The following SLC6A15 variants were observed in gnomAD, a reference collection of about 807,000 sequenced individuals.
SLC6A15 encodes solute carrier family 6 member 15.
SLC6A15 carries 33 observed loss-of-function variants against 68.5 expected under a neutral mutation model. That is an observed-to-expected ratio of 0.48 (90% CI 0.37 to 0.64). SLC6A15 has a LOEUF of 0.64. Ranked by LOEUF, SLC6A15 falls within the 30% of genes least tolerant of loss-of-function variation. The pLI is 0.00. For missense variants in SLC6A15, 747 were observed against 874.3 expected, an observed-to-expected ratio of 0.85 and a Z score of 1.84; for synonymous variants, 347 against 301.0, an observed-to-expected ratio of 1.15 and a Z score of -1.58.
intron 2 of SLC6A15, among the ~76,000 whole-genome samples, chr12:84,889,919 T>A (rs1218367835): frequency 9.0e-6 from 1 of 110,528 alleles, no homozygotes; most frequent in African/African-American, 5.9e-5. Flanking sequence ...ATAATATCAC[T>A]AGGCAAATAA....
chr12:84,901,066 ATG>A lies in SLC6A15; in HGVS notation c.-188-8760_-188-8759del, dbSNP rs768114535. ...CATATACGTATATATGTATACGTAT[ATG>A]TGTGTGTGTGTATATATATATATAA... On this transcript the variant is annotated intron_variant, in intron 1 of 11. Transcript: ENST00000266682. 5.3e-4 allele frequency among the ~76,000 whole-genome samples: 79 copies of A among 149,470 alleles called. No individual in the cohort carries two copies. In the East Asian group the frequency reaches 6.5e-3, roughly 12 times the overall value.
chr12:84,862,535 A>G (rs1269859080), intron 11 of SLC6A15, among the ~76,000 whole-genome samples: 1 of 152,190 alleles, frequency 6.6e-6, no homozygotes, highest in Non-Finnish European at 1.5e-5. Context: ...GCCTCAGTCT[A>G]GAATTATTAA....
intron 5 of SLC6A15, among the ~76,000 whole-genome samples, chr12:84,878,879 T>C (rs1287754481): frequency 2.0e-5 from 3 of 148,078 alleles, no homozygotes; most frequent in Non-Finnish European, 1.5e-5. Context: ...CCTTTCAGTA[T>C]GAAAACAGTT....
chr12:84,891,649 G>T (rs1872398328), intron 2 of SLC6A15, among the ~76,000 whole-genome samples, 183 bp downstream of exon 2: 1 of 152,138 alleles, frequency 6.6e-6, no homozygotes, highest in Non-Finnish European at 1.5e-5. Context: ...AAGCCCATCT[G>T]CTCCTGTGGA....
intron 1 of SLC6A15, among the ~76,000 whole-genome samples, chr12:84,907,211 G>A (rs1873207691): frequency 6.6e-6 from 1 of 152,076 alleles, no homozygotes; most frequent in African/African-American, 2.4e-5. Context: ...AGCCGGGCGT[G>A]GTGGCGGGTA....
chr12:84,898,556 T>A (rs1872725347), intron 1 of SLC6A15, among the ~76,000 whole-genome samples: 5 of 152,202 alleles, frequency 3.3e-5, no homozygotes, highest in Admixed American at 3.3e-4. Flanking sequence ...CTGTCACTTA[T>A]GATTTTATGA....
At chr12:84,892,979 G>C (rs1872483370) in intron 1 of SLC6A15, among the ~76,000 whole-genome samples, 1 of 152,086 alleles carries the variant, frequency 6.6e-6, no homozygotes, top group African/African-American at 2.4e-5. Context: ...TTTCTTTGTA[G>C]AGATGAAGTC....
chr12:84,903,157 A>G (rs1239629255), intron 1 of SLC6A15, among the ~76,000 whole-genome samples: 1 of 152,160 alleles, frequency 6.6e-6, no homozygotes, highest in Non-Finnish European at 1.5e-5. Context: ...CAATTTCCAT[A>G]AATTGGAGTA....
chr12:84,880,822 TA>T, intron 5 of SLC6A15: 3 of 753,514 alleles, frequency 4.0e-6, no homozygotes, highest in South Asian at 1.2e-4. Flanking sequence ...CTAAAGTGTT[TA>T]AAAAATCGAA....
intron 4 of SLC6A15, 148 bp from the exon 5 acceptor site, chr12:84,884,188 T>C (rs1426969654): frequency 2.0e-5 from 13 of 656,908 alleles, no homozygotes; most frequent in Admixed American, 3.0e-5. Flanking sequence ...CAATGAACAA[T>C]AAAAATTCAA....
chr12:84,909,103 C>A (rs770063887), intron 1 of SLC6A15, among the ~76,000 whole-genome samples: 1 of 152,020 alleles, frequency 6.6e-6, no homozygotes, highest in African/African-American at 2.4e-5. Flanking sequence ...TACCAAATAG[C>A]CCTTGATAAA....
At chr12:84,911,557 G>C (rs762782655) in intron 1 of SLC6A15, among the ~76,000 whole-genome samples, 2 of 152,162 alleles carry the variant, frequency 1.3e-5, no homozygotes, top group Non-Finnish European at 2.9e-5. Flanking sequence ...CACATCAAAG[G>C]CTGCTTCTCA....
At chr12:84,872,909 G>A in intron 7 of SLC6A15, 115 bp from the exon 8 acceptor site, 1 of 1,194,216 alleles carries the variant, frequency 8.4e-7, no homozygotes, top group Non-Finnish European at 1.1e-6. Flanking sequence ...ACAAAGAAAT[G>A]ATTAATGTTT....
At chr12:84,911,036 C>A (rs561334139) in intron 1 of SLC6A15, among the ~76,000 whole-genome samples, 1 of 152,162 alleles carries the variant, frequency 6.6e-6, no homozygotes, top group East Asian at 1.9e-4. Flanking sequence ...TAAGAACGTA[C>A]AAGTCAAGCC....
intron 9 of SLC6A15, among the ~76,000 whole-genome samples, chr12:84,870,093 T>C (rs971029765): frequency 1.3e-5 from 2 of 151,924 alleles, no homozygotes; most frequent in African/African-American, 4.8e-5. Flanking sequence ...CTATGCACTT[T>C]TTGGATAGGA....
At chr12:84,911,665 C>G (rs1192777665) in intron 1 of SLC6A15, among the ~76,000 whole-genome samples, 1 of 152,150 alleles carries the variant, frequency 6.6e-6, no homozygotes, top group Non-Finnish European at 1.5e-5. Context: ...TCTTATGTAT[C>G]CAGTTGGTGC....
At chr12:84,898,239 G>T (rs1474478813) in intron 1 of SLC6A15, among the ~76,000 whole-genome samples, 2 of 152,122 alleles carry the variant, frequency 1.3e-5, no homozygotes, top group Non-Finnish European at 2.9e-5. Flanking sequence ...TACTTGGTTG[G>T]CTGAGGCACA....
intron 2 of SLC6A15, 79 bp from the exon 3 acceptor site, chr12:84,886,147 A>G: frequency 9.9e-7 from 1 of 1,011,256 alleles, no homozygotes; most frequent in South Asian, 1.8e-5. Context: ...CCCATTAAAG[A>G]TAATATTTGA....
intron 8 of SLC6A15, among the ~76,000 whole-genome samples, chr12:84,872,069 A>AT (rs746023865): frequency 1.3e-5 from 2 of 151,714 alleles, no homozygotes; most frequent in Non-Finnish European, 2.9e-5. Flanking sequence ...GACCAGGAGA[A>AT]TTGCTTGAAC....
Sources: gnomAD v4.1 joint callset for allele counts (sites outside exome capture counted in the v4.1 genomes callset) on GRCh38, gnomAD v4.1.1 for gene constraint, MANE v1.5 for transcripts, NCBI Gene and HGNC (gene_info 2026-07-23, HGNC 2026-07-21) for gene names.